Variants in GLIPR2 observed in about 807,000 individuals in gnomAD.
GLIPR2 encodes GLI pathogenesis related 2.
Under a neutral mutation model 20.4 loss-of-function variants are expected in GLIPR2, and 21 were observed. The observed-to-expected ratio is 1.03, with a 90% CI of 0.73 to 1.48. The LOEUF (loss-of-function observed/expected upper bound fraction) is 1.48, where lower values mean the gene tolerates loss of function less well. GLIPR2 is among the 40% of genes most tolerant of loss of function. GLIPR2 has a pLI of 0.00. For missense variants in GLIPR2, 205 were observed against 200.1 expected (o/e 1.02, Z -0.15); for synonymous variants, 91 against 80.5 (o/e 1.13, Z -0.70).
intron 1 of GLIPR2, among the ~76,000 whole-genome samples, chr9:36,138,116 A>G (rs537788244): frequency 2.0e-4 from 31 of 152,372 alleles, no homozygotes; most frequent in African/African-American, 6.7e-4. Context: ...GTGATGGAGC[A>G]AAAGTATGGC....
At chr9:36,148,745 T>A in intron 3 of GLIPR2, 95 bp downstream of exon 3, 1 of 787,586 alleles carries the variant, frequency 1.3e-6, no homozygotes, top group Non-Finnish European at 2.2e-6. Context: ...CCTCGTGGTG[T>A]AGCCACAGGC....
In GLIPR2 at chr9:36,136,754, G is replaced by A; in HGVS notation, c.-25G>A. 4.7e-6 allele frequency: 6 copies of A among 1,283,728 alleles called. No homozygotes were observed. The highest frequency in any genetic ancestry group is 5.9e-6 in the Non-Finnish European group (6 of 1,017,924). 79.5% of individuals were successfully genotyped at this position (1,283,728 alleles called of 1,614,324 possible). ...GAGCGCAGTGCAGCGCAGCCGCGGG[G>A]AGCGAGGAGCGCGCGGAGCCGGCCA... On this transcript the variant is annotated 5_prime_UTR_variant, in exon 1 of 5. Coordinates refer to ENST00000377960, the MANE Select transcript of GLIPR2 (RefSeq NM_022343.4). This position sits in a 1 kb window ranked among gnomAD's most constrained non-coding sequence, Gnocchi z 4.3.
At chr9:36,161,436 T>A (rs7851615) in intron 4 of GLIPR2, among the ~76,000 whole-genome samples, 136,542 of 151,572 alleles carry the variant, frequency 0.9, 61,646 homozygotes, top group Admixed American at 0.94. Flanking sequence ...CACAGAGCAG[T>A]GATTTGAGCT....
intron 3 of GLIPR2, among the ~76,000 whole-genome samples, 192 bp downstream of exon 3, chr9:36,148,842 G>A (rs1825456548): frequency 6.6e-6 from 1 of 152,248 alleles, no homozygotes; most frequent in African/African-American, 2.4e-5. Context: ...GGCTGGCTCA[G>A]TGCCAGGCCT....
intron 4 of GLIPR2, among the ~76,000 whole-genome samples, chr9:36,162,034 G>C (rs1826075097): frequency 6.6e-6 from 1 of 152,152 alleles, no homozygotes; most frequent in South Asian, 2.1e-4. Context: ...AATTAGCTGG[G>C]CGTGGTGGCA....
At chr9:36,152,749 TCA>T (rs1491525995) in intron 4 of GLIPR2, among the ~76,000 whole-genome samples, 8 of 34,064 alleles carry the variant, frequency 2.3e-4, no homozygotes, top group Admixed American at 4.5e-4. Flanking sequence ...AAACTCTGTC[TCA>T]AAAAAAAAAA....
At chr9:36,144,022 G>A (rs1171706701) in intron 1 of GLIPR2, among the ~76,000 whole-genome samples, 1 of 152,048 alleles carries the variant, frequency 6.6e-6, no homozygotes, top group Non-Finnish European at 1.5e-5. Context: ...CCCTCTTCCA[G>A]CCTCAACACA....
In GLIPR2 at chr9:36,148,675, CCT is replaced by C. The variant is rs781226326; in HGVS notation, c.226+30_226+31del. 3 of 1,489,682 alleles carry C rather than the reference CCT, an allele frequency of 2.0e-6. No homozygotes were observed. In the South Asian group the frequency reaches 3.4e-5, roughly 17 times the overall value. 92.3% of individuals were successfully genotyped at this position (1,489,682 alleles called of 1,614,324 possible). ...GGTGGGTCGCATTTTCAGCTCCTCT[CCT>C]CTCTGCGGGAGCTGGAAGAAGGACA... is the stretch of plus-strand genomic sequence containing the variant. On this transcript the variant is annotated intron_variant, in intron 3 of 4. Coordinates refer to ENST00000377960, the MANE Select transcript of GLIPR2 (RefSeq NM_022343.4).
At chr9:36,157,382 T>A (rs936228218) in intron 4 of GLIPR2, among the ~76,000 whole-genome samples, 3 of 151,846 alleles carry the variant, frequency 2.0e-5, no homozygotes, top group Admixed American at 6.6e-5. Context: ...AGTCTCATTC[T>A]GTCGCCCAGG....
intron 4 of GLIPR2, among the ~76,000 whole-genome samples, chr9:36,154,226 T>A (rs1825732639): frequency 1.3e-5 from 2 of 151,704 alleles, no homozygotes; most frequent in South Asian, 4.2e-4. Flanking sequence ...TCCTGATGAA[T>A]AATATTTTTA....
At chr9:36,137,254 G>C (rs529839740) in intron 1 of GLIPR2, among the ~76,000 whole-genome samples, 4 of 152,274 alleles carry the variant, frequency 2.6e-5, no homozygotes, top group South Asian at 4.1e-4. Context: ...TGCTAGGCTC[G>C]GTCTGGCTCC....
intron 4 of GLIPR2, among the ~76,000 whole-genome samples, chr9:36,153,345 C>T (rs1390830441): frequency 6.6e-6 from 1 of 152,188 alleles, no homozygotes; most frequent in African/African-American, 2.4e-5. Flanking sequence ...CTGTCCCCAC[C>T]CCTAAAGAGG....
intron 1 of GLIPR2, among the ~76,000 whole-genome samples, chr9:36,139,414 C>T (rs554421626): frequency 3.2e-4 from 49 of 152,216 alleles, no homozygotes; most frequent in African/African-American, 1.1e-3. Flanking sequence ...ACCGGAAAAC[C>T]GAGAGCCCCC....
At chr9:36,154,707 A>C (rs1390349827) in intron 4 of GLIPR2, among the ~76,000 whole-genome samples, 1 of 152,186 alleles carries the variant, frequency 6.6e-6, no homozygotes, top group Non-Finnish European at 1.5e-5. Flanking sequence ...TTCATCTCTG[A>C]ATACCCATAG....
chr9:36,149,943 G>A (rs1335862985), intron 3 of GLIPR2, among the ~76,000 whole-genome samples: 2 of 152,164 alleles, frequency 1.3e-5, no homozygotes, highest in Non-Finnish European at 1.5e-5. Flanking sequence ...CAGGAGAATC[G>A]CTTGAACCTG....
chr9:36,141,649 A>C (rs1324526917), intron 1 of GLIPR2, among the ~76,000 whole-genome samples: 1 of 152,042 alleles, frequency 6.6e-6, no homozygotes, highest in Non-Finnish European at 1.5e-5. Flanking sequence ...ACCTCCTCAG[A>C]ATCTTTTTTT....
chr9:36,153,923 C>G (rs1413678875), intron 4 of GLIPR2, among the ~76,000 whole-genome samples: 2 of 151,500 alleles, frequency 1.3e-5, no homozygotes, highest in Non-Finnish European at 2.9e-5. Flanking sequence ...AAAACAAAAA[C>G]AAAATAGGAA....
chr9:36,146,159 A>G (rs2132729608), intron 1 of GLIPR2: 1 of 152,766 alleles, frequency 6.5e-6, no homozygotes, highest in East Asian at 1.9e-4. Flanking sequence ...AGAGCATGGC[A>G]TTGGCATCTG....
intron 1 of GLIPR2, among the ~76,000 whole-genome samples, chr9:36,147,572 C>CT (rs1825384282): frequency 6.6e-6 from 1 of 152,198 alleles, no homozygotes; most frequent in South Asian, 2.1e-4. Context: ...GATCCACGGG[C>CT]TTTAGATGTG....
Sources: gnomAD v4.1 joint callset for allele counts (sites outside exome capture counted in the v4.1 genomes callset) on GRCh38, gnomAD v4.1.1 for gene constraint, Gnocchi (gnomAD v3.1) non-coding constraint, MANE v1.5 for transcripts, NCBI Gene and HGNC (gene_info 2026-07-23, HGNC 2026-07-21) for gene names.